The following MLLT10 variants were observed in gnomAD, a reference collection of about 807,000 sequenced individuals.
MLLT10 encodes protein AF-10.
A neutral mutation model predicts 129.1 loss-of-function variants in MLLT10; 30 were observed. The observed-to-expected ratio is 0.23, with a 90% confidence interval of 0.17 to 0.32. The LOEUF (loss-of-function observed/expected upper bound fraction) is 0.32, where lower values mean the gene tolerates loss of function less well. Ranked by LOEUF, MLLT10 falls within the 10% of genes least tolerant of loss-of-function variation. MLLT10 has a pLI of 1.00. For synonymous variants in MLLT10, 490 were observed against 446.4 expected (o/e 1.10, Z -1.23); for missense variants, 1,119 against 1,268.3 (o/e 0.88, Z 1.79).
chr10:21,606,327 A>G (rs1245854036), intron 5 of MLLT10, among the ~76,000 whole-genome samples: 1 of 152,234 alleles, frequency 6.6e-6, no homozygotes, highest in East Asian at 1.9e-4. Flanking sequence ...ACCTGCTAAC[A>G]ACATCCATCC....
chr10:21,615,972 A>AT (rs2045213982), intron 7 of MLLT10, among the ~76,000 whole-genome samples: 1 of 152,010 alleles, frequency 6.6e-6, no homozygotes. Flanking sequence ...TTGGTTTCTA[A>AT]TTTTTAAATT....
intron 3 of MLLT10, among the ~76,000 whole-genome samples, chr10:21,570,290 C>T (rs2131032516): frequency 6.6e-6 from 1 of 151,758 alleles, no homozygotes; most frequent in African/African-American, 2.4e-5. Flanking sequence ...CCACACTGGT[C>T]TCGAACTCCT....
At chr10:21,566,301 A>G (rs750259517) in intron 3 of MLLT10, among the ~76,000 whole-genome samples, 4 of 149,610 alleles carry the variant, frequency 2.7e-5, no homozygotes, top group Admixed American at 6.7e-5. Flanking sequence ...GGTCATTTAC[A>G]TAGTTATAGA....
intron 13 of MLLT10, among the ~76,000 whole-genome samples, chr10:21,687,970 A>C (rs1453139461): frequency 1.3e-5 from 2 of 152,200 alleles, no homozygotes; most frequent in Non-Finnish European, 2.9e-5. Flanking sequence ...TATAGGTAAG[A>C]CTTTTTCCAT....
At chr10:21,596,629 T>C (rs2043038780) in intron 5 of MLLT10, among the ~76,000 whole-genome samples, 1 of 151,162 alleles carries the variant, frequency 6.6e-6, no homozygotes, top group African/African-American at 2.4e-5. Flanking sequence ...TGCTATTCTT[T>C]CTAGTAAAAA....
chr10:21,617,187 C>A lies in MLLT10; in HGVS notation c.679C>A (p.His227Asn). The A allele has an allele frequency of 6.6e-7, 1 of 1,517,680 alleles. No individual in the cohort carries two copies. The highest frequency in any genetic ancestry group is 1.4e-5 in the South Asian group (1 of 71,422). 94.0% of individuals were successfully genotyped at this position (1,517,680 alleles called of 1,614,324 possible). Residue 227 changes from histidine (H) to asparagine (N), a missense_variant, in exon 8 of 23, where the codon CAT becomes AAT. Around this residue, in one of 5 missense-constraint regions of MLLT10, gnomAD observed 1,004 missense variants for 1,008.7 expected, o/e 1.00. Transcript: ENST00000307729. ...TTCTTCCTCTCACTCTCAGGATAAA[C>A]ATCATGAGAAAGAGAAAAAAGTAAG... ...SDSSSHSQDK[H>N]HEKEKKKYKE...
intron 13 of MLLT10, among the ~76,000 whole-genome samples, chr10:21,691,997 T>G (rs1259356551): frequency 2.0e-5 from 2 of 100,382 alleles, no homozygotes; most frequent in Non-Finnish European, 3.9e-5. Flanking sequence ...AAACCTCATA[T>G]CTACAAAAAA....
At chr10:21,565,623 T>G (rs1176146993) in intron 3 of MLLT10, among the ~76,000 whole-genome samples, 1 of 150,316 alleles carries the variant, frequency 6.7e-6, no homozygotes, top group African/African-American at 2.4e-5. Context: ...TTTTTTTTTT[T>G]GAGACATGGT....
intron 14 of MLLT10, 34 bp from the exon 15 acceptor site, chr10:21,726,210 T>C (rs1424334414): frequency 7.6e-7 from 1 of 1,315,830 alleles, no homozygotes; most frequent in East Asian, 2.3e-5. Flanking sequence ...TTTTCACATA[T>C]AATTCATTTA....
chr10:21,535,980 C>A (rs555578365), intron 2 of MLLT10, among the ~76,000 whole-genome samples: 12 of 152,228 alleles, frequency 7.9e-5, no homozygotes, highest in African/African-American at 2.6e-4. Context: ...GCTCTGTCAC[C>A]CAGGCTGTAG....
rs1284980974 is a variant in MLLT10 at position 21,743,220 on chromosome 10, G to A, written c.*1237G>A. On this transcript the variant is annotated 3_prime_UTR_variant, in exon 23 of 23. Coordinates refer to ENST00000307729, the MANE Select transcript of MLLT10 (RefSeq NM_001195626.3). ...CCAGCTGTAATTAGACCTCCACTGT[G>A]TACTTAGCTGGAAGAACATGTTAAT... The A allele has an allele frequency of 4.4e-6, 1 of 228,474 alleles. No individual in the cohort carries two copies. Among genetic ancestry groups the A allele is most frequent in the African/African-American group, 2.2e-5 (1 of 45,052 alleles). 14.2% of individuals were successfully genotyped at this position (228,474 alleles called of 1,614,324 possible).
chr10:21,686,915 G>A (rs1464926314), intron 13 of MLLT10, among the ~76,000 whole-genome samples: 1 of 152,076 alleles, frequency 6.6e-6, no homozygotes, highest in Non-Finnish European at 1.5e-5. Context: ...CCCAGGAGGC[G>A]AAGGTTGCAG....
At chr10:21,630,750 A>C (rs1169415969) in intron 8 of MLLT10, among the ~76,000 whole-genome samples, 1 of 152,212 alleles carries the variant, frequency 6.6e-6, no homozygotes, top group East Asian at 1.9e-4. Context: ...AGCATCTATG[A>C]AACTGTGGTG....
At chr10:21,721,552 T>C (rs774287890) in intron 14 of MLLT10, among the ~76,000 whole-genome samples, 2 of 152,178 alleles carry the variant, frequency 1.3e-5, no homozygotes, top group African/African-American at 2.4e-5. Context: ...TCTGTGGTCA[T>C]AGGCAGATAT....
chr10:21,726,760 AGTGTCTCCT>A (rs1297154880), intron 15 of MLLT10, among the ~76,000 whole-genome samples: 2 of 142,750 alleles, frequency 1.4e-5, no homozygotes, highest in African/African-American at 5.2e-5. Context: ...GGAATGCAGC[AGTGTCTCCT>A]GTGACTTTTG....
intron 16 of MLLT10, among the ~76,000 whole-genome samples, chr10:21,728,913 G>C (rs967525519): frequency 1.3e-5 from 2 of 149,714 alleles, no homozygotes; most frequent in African/African-American, 4.9e-5. Flanking sequence ...TGTGATGACA[G>C]ATCATGAATA....
chr10:21,695,376 C>T (rs1247054103), intron 13 of MLLT10, among the ~76,000 whole-genome samples: 1 of 152,156 alleles, frequency 6.6e-6, no homozygotes, highest in Non-Finnish European at 1.5e-5. Flanking sequence ...AGTCAGCTAA[C>T]CAATAGCCTT....
chr10:21,604,718 AG>A (rs2043886262), intron 5 of MLLT10, among the ~76,000 whole-genome samples: 1 of 152,168 alleles, frequency 6.6e-6, no homozygotes, highest in African/African-American at 2.4e-5. Flanking sequence ...GAAGGAGAAA[AG>A]GGGTTTAAAG....
At chr10:21,569,385 G>GT (rs371499572) in intron 3 of MLLT10, among the ~76,000 whole-genome samples, 1 of 151,052 alleles carries the variant, frequency 6.6e-6, no homozygotes, top group African/African-American at 2.4e-5. Context: ...AGCCTCCCCA[G>GT]TAGCTGGGTC....
Sources: gnomAD v4.1 joint callset for allele counts (sites outside exome capture counted in the v4.1 genomes callset) on GRCh38, gnomAD v4.1.1 for gene constraint, gnomAD v4.1.1 regional missense constraint, MANE v1.5 for transcripts, NCBI Gene and HGNC (gene_info 2026-07-23, HGNC 2026-07-21) for gene names.